CREB5: variants seen among roughly 807,000 people sequenced by gnomAD.
CREB5 encodes cAMP responsive element binding protein 5.
In CREB5, 19 loss-of-function variants were observed where a neutral mutation model predicts 57.1. The ratio of observed to expected loss-of-function variants is 0.33; its 90% CI spans 0.23 to 0.49. The LOEUF (loss-of-function observed/expected upper bound fraction) is 0.49, where lower values mean the gene tolerates loss of function less well. Ranked by LOEUF, CREB5 falls within the 20% of genes least tolerant of loss-of-function variation. CREB5 has a pLI of 0.99. For missense variants in CREB5, 579 were observed against 671.6 expected, an observed-to-expected ratio of 0.86 and a Z score of 1.52; for synonymous variants, 238 against 238.3, an observed-to-expected ratio of 1.00 and a Z score of 0.01.
chr7:28,494,917 AGAGGACCATCT>A lies in CREB5; in HGVS notation c.90_100del (p.Glu30AspfsTer4). On this transcript the variant is annotated frameshift_variant, in exon 3 of 11. Coordinates refer to ENST00000357727, the MANE Select transcript of CREB5 (RefSeq NM_182898.4). LOFTEE classifies it high-confidence loss of function. ...TATTCGTCCGACAGCGCTTCCCAAC[AGAGGACCATCT>A]GATGATTCATAGGCACAAACATGAA... The A allele has an allele frequency of 6.3e-7, 1 of 1,599,946 alleles. No individual in the cohort carries two copies. Among genetic ancestry groups the A allele is most frequent in the Non-Finnish European group, 8.5e-7 (1 of 1,176,776 alleles).
chr7:28,618,911 C>T (rs1452150719), intron 5 of CREB5, among the ~76,000 whole-genome samples: 1 of 152,196 alleles, frequency 6.6e-6, no homozygotes, highest in Non-Finnish European at 1.5e-5. Flanking sequence ...TAACAGCAGG[C>T]ATTTGTTACA....
intron 7 of CREB5, among the ~76,000 whole-genome samples, chr7:28,798,620 A>C (rs1207604107): frequency 6.6e-6 from 1 of 152,128 alleles, no homozygotes; most frequent in Non-Finnish European, 1.5e-5. Flanking sequence ...CCCGTCGCGG[A>C]TAGTGGACAG....
intron 5 of CREB5, among the ~76,000 whole-genome samples, chr7:28,697,152 A>G (rs1241818206): frequency 6.6e-6 from 1 of 152,180 alleles, no homozygotes; most frequent in African/African-American, 2.4e-5. Flanking sequence ...TATCTGATAT[A>G]TTAGATATGT....
chr7:28,778,960 C>T (rs1806818116), intron 7 of CREB5: 1 of 152,138 alleles, frequency 6.6e-6, no homozygotes, highest in Non-Finnish European at 1.5e-5. Flanking sequence ...GTGAAATACC[C>T]GCCATGCCAA....
chr7:28,560,851 T>TGCGTGCGTGCGCGTGCGTGTGTGCGC (rs1416148801), intron 4 of CREB5, among the ~76,000 whole-genome samples: 2 of 69,200 alleles, frequency 2.9e-5, no homozygotes, highest in Non-Finnish European at 5.9e-5. Context: ...TGTGCGCGTG[T>TGCGTGCGTGCGCGTGCGTGTGTGCGC]GTGTGTGCGT....
intron 7 of CREB5, among the ~76,000 whole-genome samples, chr7:28,726,143 C>T: frequency 6.6e-6 from 1 of 152,118 alleles, no homozygotes; most frequent in Non-Finnish European, 1.5e-5. Flanking sequence ...GTTAAATTTA[C>T]TGAGTAAGCA....
chr7:28,748,453 T>C (rs574735415), intron 7 of CREB5, among the ~76,000 whole-genome samples: 2 of 152,286 alleles, frequency 1.3e-5, no homozygotes, highest in Admixed American at 1.3e-4. Context: ...GAGACAGCAT[T>C]CTAAGTGTGA....
At chr7:28,619,229 A>G (rs995439437) in intron 5 of CREB5, among the ~76,000 whole-genome samples, 2 of 152,220 alleles carry the variant, frequency 1.3e-5, no homozygotes, top group Non-Finnish European at 2.9e-5. Flanking sequence ...GCTAGTAAAC[A>G]GTAGAGGTGG....
rs139376337 is a variant in CREB5, at chr7:28,313,562, A to G, written c.-25+14121A>G. On this transcript the variant is annotated intron_variant, in intron 1 of 9. Coordinates refer to the CREB5 transcript ENST00000396299. ...AAGAATCTGATCTATTCCTGGGAAA[A>G]CAACTTCAATTGAGCAAATGTATTT... 2.6e-3 allele frequency among the ~76,000 whole-genome samples: 402 copies of G among 152,350 alleles called. 2 individuals are homozygous for G. Among genetic ancestry groups the G allele is most frequent in the African/African-American group, 9.3e-3 (385 of 41,574 alleles).
At chr7:28,412,053 C>G (rs553117603), upstream of CREB5, among the ~76,000 whole-genome samples, 1 of 152,236 alleles carries the variant, frequency 6.6e-6, no homozygotes, top group African/African-American at 2.4e-5. Context: ...TTACCTCTGA[C>G]CAGAAGCACA....
intron 7 of CREB5, among the ~76,000 whole-genome samples, chr7:28,781,774 AT>A (rs34772883): frequency 1.7e-4 from 25 of 150,010 alleles, no homozygotes; most frequent in South Asian, 4.2e-4. Context: ...ACAAAAATTG[AT>A]TTTTTTTTTT....
Position 28,718,769 on chromosome 7 carries a change from C to T in CREB5, c.481C>T (p.Leu161=). The change falls in exon 6 of 11, where the codon CTA becomes TTA. Residue 161 remains leucine, a synonymous_variant. Coordinates refer to ENST00000357727, the MANE Select transcript of CREB5 (RefSeq NM_182898.4). ...TTGTCCCAGGCCTGTCCCAGGCTCT[C>T]TATCTTCTCTGCTACATCTCCACAA... ...NRQIGPVPGS[L]SSLLHLHNRQ... is the part of the protein sequence containing the mutation. 6.2e-7 allele frequency: 1 copy of T among 1,614,046 alleles called. No individual in the cohort carries two copies. The highest frequency in any genetic ancestry group is 8.5e-7 in the Non-Finnish European group (1 of 1,179,950).
Position 28,809,426 on chromosome 7 carries a change from G to A in CREB5, c.1254+12G>A, listed in dbSNP as rs375468835. ...ACATGCAGCTTCAGGTGCAGCCCAC[G>A]GTGTCTTTCCCCGCGACTCAAAGGC... is the stretch of plus-strand genomic sequence containing the variant. On this transcript the variant is annotated intron_variant, in intron 9 of 10. Coordinates refer to ENST00000357727, the MANE Select transcript of CREB5 (RefSeq NM_182898.4). 2.6e-5 allele frequency: 41 copies of A among 1,595,548 alleles called. No individual in the cohort carries two copies. The highest frequency in any genetic ancestry group is 3.2e-5 in the Non-Finnish European group (38 of 1,170,324).
chr7:28,413,621 T>C (rs1188902328), intron 1 of CREB5, among the ~76,000 whole-genome samples: 1 of 152,172 alleles, frequency 6.6e-6, no homozygotes, highest in African/African-American at 2.4e-5. Context: ...GCCGATAAAT[T>C]GCCTGTCAAT....
chr7:28,386,123 C>T (rs1787097726), intron 1 of CREB5, among the ~76,000 whole-genome samples: 2 of 152,116 alleles, frequency 1.3e-5, no homozygotes, highest in South Asian at 4.2e-4. Flanking sequence ...TTTGGATTCA[C>T]CTACTTATTC....
chr7:28,392,865 C>T (rs925532880), intron 1 of CREB5, among the ~76,000 whole-genome samples: 6 of 152,138 alleles, frequency 3.9e-5, no homozygotes, highest in African/African-American at 1.4e-4. Flanking sequence ...ACCTCAGACC[C>T]TCTTTGTTTA....
In CREB5 at chr7:28,825,893, A is replaced by G. The variant is rs1583831330; in HGVS notation, c.*6614A>G. ...TATAATAAAGCACTCAAATGCAAAT[A>G]ATATATGTCACCTTTGTATGATGAA... On this transcript the variant is annotated 3_prime_UTR_variant, in exon 11 of 11. Coordinates refer to ENST00000357727, the MANE Select transcript of CREB5 (RefSeq NM_182898.4). 3 of 152,668 alleles carry G rather than the reference A, an allele frequency of 2.0e-5. No individual in the cohort carries two copies. The South Asian group carries it at 6.2e-4, about 32-fold the overall frequency. 9.5% of individuals were successfully genotyped at this position (152,668 alleles called of 1,614,324 possible).
At chr7:28,337,592 G>T (rs947427529) in intron 1 of CREB5, among the ~76,000 whole-genome samples, 1 of 151,738 alleles carries the variant, frequency 6.6e-6, no homozygotes, top group African/African-American at 2.4e-5. Context: ...TGTCTTTATA[G>T]GTGAAGTGTG....
chr7:28,623,409 A>T (rs1797879243), intron 5 of CREB5, among the ~76,000 whole-genome samples: 2 of 152,224 alleles, frequency 1.3e-5, no homozygotes, highest in Non-Finnish European at 2.9e-5. Context: ...TTTATATGTC[A>T]AAATAGCTTT....
Sources: gnomAD v4.1 joint callset for allele counts (sites outside exome capture counted in the v4.1 genomes callset) on GRCh38, gnomAD v4.1.1 for gene constraint, MANE v1.5 for transcripts, NCBI Gene and HGNC (gene_info 2026-07-23, HGNC 2026-07-21) for gene names.